Variants in NLRP4 observed in about 807,000 individuals in gnomAD.
NLRP4 encodes NLR family pyrin domain containing 4.
NLRP4 carries 44 observed loss-of-function variants against 84.7 expected under a neutral mutation model. The observed-to-expected ratio is 0.52, with a 90% CI of 0.41 to 0.67. The LOEUF (loss-of-function observed/expected upper bound fraction) is 0.67. Ranked by LOEUF, NLRP4 falls within the 30% of genes least tolerant of loss-of-function variation. The probability of loss-of-function intolerance (pLI) is 0.00; values close to 1 mark genes in which losing one functional copy is unlikely to be tolerated. For missense variants in NLRP4, 1,260 were observed against 1,219.4 expected, an observed-to-expected ratio of 1.03 and a Z score of -0.50; for synonymous variants, 544 against 476.4, an observed-to-expected ratio of 1.14 and a Z score of -1.85.
chr19:55,849,964 A>AATTTCCGAGACTGCGGTGTG (rs1983977920), intron 1 of NLRP4, among the ~76,000 whole-genome samples: 1 of 113,538 alleles, frequency 8.8e-6, no homozygotes, highest in African/African-American at 6.2e-5. Flanking sequence ...ACTGCGGTGT[A>AATTTCCGAGACTGCGGTGTG]ATTTCCGTAG....
chr19:55,870,467 A>T (rs8107338), intron 6 of NLRP4, among the ~76,000 whole-genome samples: 9,172 of 152,268 alleles, frequency 0.06, 639 homozygotes, highest in African/African-American at 0.17. Flanking sequence ...GTTCGAGACT[A>T]GCCTGGCTAA....
At chr19:55,850,078 C>T (rs138871620) in intron 1 of NLRP4, among the ~76,000 whole-genome samples, 3,381 of 141,110 alleles carry the variant, frequency 0.024, 639 homozygotes, top group African/African-American at 0.048. Context: ...TCCGAGACTG[C>T]GGTGTAATTT....
At chr19:55,863,346 G>T (rs1475323446) in intron 5 of NLRP4, among the ~76,000 whole-genome samples, 2 of 152,186 alleles carry the variant, frequency 1.3e-5, no homozygotes, top group African/African-American at 4.8e-5. Context: ...AAATAAAAGA[G>T]GTGTAATTGG....
intron 5 of NLRP4, among the ~76,000 whole-genome samples, chr19:55,865,785 G>T (rs1401457315): frequency 1.3e-5 from 2 of 151,952 alleles, no homozygotes; most frequent in Non-Finnish European, 1.5e-5. Flanking sequence ...TTGCCTTTTT[G>T]TCAAGTTGTA....
intron 5 of NLRP4, among the ~76,000 whole-genome samples, chr19:55,867,294 C>T (rs574411625): frequency 6.7e-6 from 1 of 148,566 alleles, no homozygotes; most frequent in Non-Finnish European, 1.5e-5. Flanking sequence ...CCCCAGAGAC[C>T]GTAAGCCAAG....
rs770640711 is a variant in NLRP4 at position 55,862,012 on chromosome 19, C to G, written c.2039C>G (p.Ser680Cys). The change falls in exon 5 of 10, where the codon TCT becomes TGT. Residue 680 changes from serine (S) to cysteine (C), a missense_variant. By Grantham distance (112) the Ser-to-Cys change is moderately radical. This residue lies in a region of NLRP4 where 544 missense variants were observed against 531.7 expected (regional missense o/e 1.02). Transcript: ENST00000301295. The part of the protein sequence containing the change: ...QKLGINNVSF[S>C]GQSVLLFEVL... ...TGCAGAATAAATAACGTTTCCTTTTCTGGCCAGAGTGTTCTGCTCTTTGAG... is the reference window on the plus strand; with the variant it reads ...TGCAGAATAAATAACGTTTCCTTTTGTGGCCAGAGTGTTCTGCTCTTTGAG... The G allele has an allele frequency of 1.2e-6, 2 of 1,613,620 alleles. No individual in the cohort carries two copies. The highest frequency in any genetic ancestry group is 8.5e-7 in the Non-Finnish European group (1 of 1,179,714).
intron 2 of NLRP4, among the ~76,000 whole-genome samples, chr19:55,852,732 C>T (rs894322503): frequency 2.0e-5 from 3 of 152,166 alleles, no homozygotes; most frequent in Non-Finnish European, 2.9e-5. Context: ...CCATCTTGGC[C>T]TCCCAAAGTG....
At position 55,852,324 on chromosome 19, in the gene NLRP4, A is replaced by G. The variant is rs1299765722; in HGVS notation, c.244A>G (p.Lys82Glu). The G allele has an allele frequency of 6.2e-7, 1 of 1,606,748 alleles. No individual in the cohort carries two copies. Among genetic ancestry groups the G allele is most frequent in the East Asian group, 2.2e-5 (1 of 44,824 alleles). The stretch of plus-strand genomic sequence containing the variant: ...AAGAATCTTTCAAAAGATGGATAGA[A>G]AGGATCTCTGCATGAAGGTCATGAG... ...TLRIFQKMDRKDLCMKVMRER... is the reference protein window; with the variant it reads ...TLRIFQKMDREDLCMKVMRER... The change falls in exon 2 of 10, where the codon AAG becomes GAG. Residue 82 changes from lysine (K) to glutamate (E), a missense_variant. Around this residue, in one of 3 missense-constraint regions of NLRP4, gnomAD observed 712 missense variants for 669.2 expected, o/e 1.06. Coordinates refer to ENST00000301295, the MANE Select transcript of NLRP4 (RefSeq NM_134444.5).
intron 7 of NLRP4, among the ~76,000 whole-genome samples, chr19:55,873,700 C>T (rs1399183917): frequency 1.3e-5 from 2 of 152,170 alleles, no homozygotes; most frequent in Admixed American, 6.5e-5. Flanking sequence ...GAAGCTTACG[C>T]AACTGTATGA....
At chr19:55,876,935 T>C in intron 7 of NLRP4, 61 bp from the exon 8 acceptor site, 1 of 1,416,720 alleles carries the variant, frequency 7.1e-7, no homozygotes, top group Middle Eastern at 1.8e-4. Flanking sequence ...TGGTGTCTCT[T>C]TTCCTGATAT....
At position 55,858,767 on chromosome 19, in the gene NLRP4, C is replaced by G. The variant is rs144680595; in HGVS notation, c.1374C>G (p.Phe458Leu). The G allele has an allele frequency of 3.3e-5, 53 of 1,614,198 alleles. No individual in the cohort carries two copies. In the African/African-American group the frequency reaches 6.4e-4, roughly 19 times the overall value. ...TCCTCCACGTGTGTATCCAGGAGTT[C>G]TGTGCCGCCTTGTTCTATTTGCTCA... ...YVFLHVCIQE[F>L]CAALFYLLKS... Residue 458 changes from phenylalanine (F) to leucine (L), a missense_variant, in exon 3 of 10, where the codon TTC becomes TTG. Transcript: ENST00000301295. This position sits in a 1 kb window ranked among gnomAD's most constrained non-coding sequence, Gnocchi z 4.2.
In NLRP4 at chr19:55,863,489, G is replaced by A. The variant is rs569714788; in HGVS notation, c.2186+1330G>A. On this transcript the variant is annotated intron_variant, in intron 5 of 9. Coordinates refer to ENST00000301295, the MANE Select transcript of NLRP4 (RefSeq NM_134444.5). Reference sequence around the variant, plus strand: ...CAGGAAGAAGAGAGAAGAGGGAGGCGCTACACAGTTCCAAGCAACCAGGTC... The same window carrying A: ...CAGGAAGAAGAGAGAAGAGGGAGGCACTACACAGTTCCAAGCAACCAGGTC... Among the ~76,000 whole-genome samples, 4 of 152,164 alleles carry A rather than the reference G, an allele frequency of 2.6e-5. No individual in the cohort carries two copies. The East Asian group carries it at 5.8e-4, about 22-fold the overall frequency.
intron 1 of NLRP4, among the ~76,000 whole-genome samples, chr19:55,847,940 C>T (rs1368002407): frequency 6.6e-6 from 1 of 152,268 alleles, no homozygotes; most frequent in Admixed American, 6.5e-5. Context: ...TGGTCTCAAA[C>T]TCCTGACCTC....
chr19:55,840,338 A>ATGTGTGTG (rs776659188), intron 1 of NLRP4, among the ~76,000 whole-genome samples: 153 of 137,032 alleles, frequency 1.1e-3, no homozygotes, highest in African/African-American at 4.0e-3. Flanking sequence ...ACATATGTGT[A>ATGTGTGTG]TGTGTATGTG....
At chr19:55,852,436 G>T in intron 2 of NLRP4, 76 bp downstream of exon 2, 3 of 834,574 alleles carry the variant, frequency 3.6e-6, no homozygotes, top group East Asian at 2.7e-5. Flanking sequence ...GTCTCTGCCT[G>T]TCTACAACAG....
chr19:55,863,501 C>G (rs1213455235), intron 5 of NLRP4, among the ~76,000 whole-genome samples: 8 of 152,086 alleles, frequency 5.3e-5, no homozygotes, highest in Non-Finnish European at 1.2e-4. Context: ...TACACAGTTC[C>G]AAGCAACCAG....
Position 55,857,767 on chromosome 19 carries a change from AG to A in NLRP4, c.376del (p.Glu126LysfsTer26). ...SVTEIHLYFE[E>X]EVKQEECDHL... ...ACTGAGATTCACCTATACTTTGAGG[AG>A]GAAGTCAAGCAAGAAGAATGTGACC... On this transcript the variant is annotated frameshift_variant, in exon 3 of 10. Transcript: ENST00000301295. LOFTEE classifies it high-confidence loss of function. 6.2e-7 allele frequency: 1 copy of A among 1,614,094 alleles called. No homozygotes were observed. The highest frequency in any genetic ancestry group is 2.2e-5 in the East Asian group (1 of 44,884).
chr19:55,859,154 G>C lies in NLRP4; in HGVS notation c.1761G>C (p.Val587=). The C allele has an allele frequency of 6.2e-7, 1 of 1,613,860 alleles. No individual in the cohort carries two copies. Among genetic ancestry groups the C allele is most frequent in the Non-Finnish European group, 8.5e-7 (1 of 1,179,762 alleles). ...NFHIIDNVDL[V]VSAYCLKYCS... ...ATATTATTGACAACGTGGACTTGGT[G>C]GTTTCTGCCTACTGCTTAAAATACT... The change falls in exon 3 of 10, where the codon GTG becomes GTC. Residue 587 remains valine, a synonymous_variant. Transcript: ENST00000301295.
intron 7 of NLRP4, among the ~76,000 whole-genome samples, chr19:55,875,893 TG>T (rs1422856228): frequency 6.7e-6 from 1 of 149,730 alleles, no homozygotes; most frequent in Non-Finnish European, 1.5e-5. Context: ...CAGAATTAGC[TG>T]GGTATGATGG....
Sources: allele counts gnomAD v4.1 joint callset (sites outside exome capture counted in the v4.1 genomes callset), GRCh38; gene constraint gnomAD v4.1.1; regional missense constraint gnomAD v4.1.1; non-coding constraint Gnocchi (gnomAD v3.1); transcripts MANE v1.5; gene names NCBI Gene and HGNC (gene_info 2026-07-23, HGNC 2026-07-21).